The following FHIT variants were observed in gnomAD, a reference collection of about 807,000 sequenced individuals.
FHIT encodes bis(5'-adenosyl)-triphosphatase.
A neutral mutation model predicts 17.9 loss-of-function variants in FHIT; 19 were observed. That is an observed-to-expected ratio of 1.06 (90% CI 0.74 to 1.56). The LOEUF (loss-of-function observed/expected upper bound fraction) is 1.56, where lower values mean the gene tolerates loss of function less well. Ranked by LOEUF, FHIT falls within the 40% of genes most tolerant of loss-of-function variation. The pLI, the probability that FHIT is intolerant of heterozygous loss-of-function variation, is 0.00. For synonymous variants in FHIT, 81 were observed against 69.7 expected, an observed-to-expected ratio of 1.16 and a Z score of -0.81; for missense variants, 248 against 189.2, an observed-to-expected ratio of 1.31 and a Z score of -1.82.
intron 4 of FHIT, among the ~76,000 whole-genome samples, chr3:60,539,176 C>T (rs986949740): frequency 6.6e-6 from 1 of 152,116 alleles, no homozygotes; most frequent in Admixed American, 6.5e-5. Context: ...ATGCAGCCAA[C>T]AGACACATGA....
intron 4 of FHIT, among the ~76,000 whole-genome samples, chr3:60,556,825 A>G (rs981747379): frequency 3.3e-5 from 5 of 152,210 alleles, no homozygotes; most frequent in African/African-American, 9.6e-5. Context: ...CAAGGTGACC[A>G]CCGTGTTGAA....
At chr3:60,385,338 A>G (rs1336131597) in intron 5 of FHIT, among the ~76,000 whole-genome samples, 5 of 152,238 alleles carry the variant, frequency 3.3e-5, no homozygotes, top group Admixed American at 6.5e-5. Flanking sequence ...AAAATGCAGT[A>G]TACATGGCTT....
At chr3:60,803,201 TA>T (rs1701257599) in intron 4 of FHIT, among the ~76,000 whole-genome samples, 1 of 152,090 alleles carries the variant, frequency 6.6e-6, no homozygotes, top group South Asian at 2.1e-4. Flanking sequence ...TGCTCTTTGT[TA>T]ATGGGAAAAA....
chr3:60,178,365 T>A (rs990297878), intron 5 of FHIT, among the ~76,000 whole-genome samples: 4 of 152,100 alleles, frequency 2.6e-5, no homozygotes, highest in Non-Finnish European at 5.9e-5. Flanking sequence ...GGCGGGCGGA[T>A]CACCTCAGGT....
At chr3:61,219,440 G>T (rs551755951) in intron 1 of FHIT, among the ~76,000 whole-genome samples, 1 of 151,830 alleles carries the variant, frequency 6.6e-6, no homozygotes, top group South Asian at 2.1e-4. Context: ...TAGATATCTA[G>T]ACAATAGTCA....
chr3:60,612,256 A>AT lies in FHIT; in HGVS notation c.-17-75278dup, dbSNP rs532471567. On this transcript the variant is annotated intron_variant, in intron 4 of 9. Coordinates refer to ENST00000492590, the MANE Select transcript of FHIT (RefSeq NM_002012.4). Reference sequence around the variant, plus strand: ...ATAAGTCACATATTCTCTGATCTCCATTTCCCAAATCACACAAATTGAGAG... The same window carrying AT: ...ATAAGTCACATATTCTCTGATCTCCATTTTCCCAAATCACACAAATTGAGAG... Among the ~76,000 whole-genome samples, 17 of 152,262 alleles carry AT rather than the reference A, an allele frequency of 1.1e-4. No individual in the cohort carries two copies. The South Asian group carries it at 3.1e-3, about 28-fold the overall frequency.
At chr3:60,938,122 A>C (rs1553773587) in intron 3 of FHIT, among the ~76,000 whole-genome samples, 1 of 152,198 alleles carries the variant, frequency 6.6e-6, no homozygotes, top group East Asian at 1.9e-4. Flanking sequence ...GCAGTCTCTC[A>C]CCACTGTTTC....
rs141303394 is a variant in FHIT, at chr3:60,428,792, T to A, written c.103+108068A>T. Among the ~76,000 whole-genome samples, 3 of 152,242 alleles carry A rather than the reference T, an allele frequency of 2.0e-5. No individual in the cohort carries two copies. In the East Asian group the frequency reaches 5.8e-4, roughly 29 times the overall value. On this transcript the variant is annotated intron_variant, in intron 5 of 9. Coordinates refer to ENST00000492590, the MANE Select transcript of FHIT (RefSeq NM_002012.4). The stretch of plus-strand genomic sequence containing the variant: ...TAAATGTCATCACTGAGATCTGATC[T>A]TCTTCTAGGACAGTTAGAATTTTCT...
rs567470723 is a variant in FHIT at position 60,781,831 on chromosome 3, T to C, written c.-18+40088A>G. 2.6e-5 allele frequency among the ~76,000 whole-genome samples: 4 copies of C among 152,334 alleles called. No individual in the cohort carries two copies. The South Asian group carries it at 8.3e-4, about 32-fold the overall frequency. On this transcript the variant is annotated intron_variant, in intron 4 of 9. Transcript: ENST00000492590. ...CTTTGTTCAGAAATTATTTCATTTT[T>C]TTCATTTTATTGAATATAGACAAAT...
chr3:60,246,570 C>A (rs1705406621), intron 5 of FHIT, among the ~76,000 whole-genome samples: 1 of 151,982 alleles, frequency 6.6e-6, no homozygotes, highest in African/African-American at 2.4e-5. Context: ...CTGCCTGGTG[C>A]CAAAAAACAC....
At chr3:60,648,744 C>T (rs1263387409) in intron 4 of FHIT, among the ~76,000 whole-genome samples, 7 of 152,184 alleles carry the variant, frequency 4.6e-5, no homozygotes, top group African/African-American at 1.7e-4. Flanking sequence ...AAAAAAGGAG[C>T]GAGTCAGAAC....
chr3:60,269,996 GGCCTCATACGAC>G (rs1273899270), intron 5 of FHIT, among the ~76,000 whole-genome samples: 2 of 152,130 alleles, frequency 1.3e-5, no homozygotes, highest in Non-Finnish European at 2.9e-5. Context: ...AAAATGACCA[GGCCTCATACGAC>G]GCCAGAACTA....
intron 2 of FHIT, among the ~76,000 whole-genome samples, chr3:61,116,974 G>C (rs1033512400): frequency 2.0e-5 from 3 of 152,094 alleles, no homozygotes; most frequent in Admixed American, 6.6e-5. Context: ...GTAAATGAGT[G>C]ATGAATCATA....
At chr3:59,921,395 C>T (rs1363906181) in intron 8 of FHIT, among the ~76,000 whole-genome samples, 2 of 152,144 alleles carry the variant, frequency 1.3e-5, no homozygotes, top group Non-Finnish European at 2.9e-5. Flanking sequence ...GATAAACAAT[C>T]GAGATAAACA....
intron 1 of FHIT, among the ~76,000 whole-genome samples, chr3:61,213,034 C>A (rs1232287454): frequency 1.3e-5 from 2 of 152,190 alleles, no homozygotes; most frequent in Non-Finnish European, 1.5e-5. Context: ...ACAACCAGTA[C>A]CAGCCACTGC....
chr3:60,455,872 A>C (rs1231550737), intron 5 of FHIT, among the ~76,000 whole-genome samples: 1 of 152,196 alleles, frequency 6.6e-6, no homozygotes, highest in African/African-American at 2.4e-5. Flanking sequence ...AAGAGGAAAA[A>C]AATACATAAT....
chr3:61,067,303 T>C (rs988362947), intron 2 of FHIT, among the ~76,000 whole-genome samples: 1 of 152,150 alleles, frequency 6.6e-6, no homozygotes, highest in Admixed American at 6.5e-5. Flanking sequence ...TATGTACTCA[T>C]GGTGATGGTT....
chr3:59,810,004 C>T (rs1186920971), intron 8 of FHIT, among the ~76,000 whole-genome samples: 2 of 152,062 alleles, frequency 1.3e-5, no homozygotes, highest in Non-Finnish European at 2.9e-5. Flanking sequence ...GAGATTGGAA[C>T]CTAACCAAAG....
intron 2 of FHIT, among the ~76,000 whole-genome samples, chr3:61,097,952 A>C (rs535605601): frequency 2.0e-5 from 3 of 152,244 alleles, no homozygotes; most frequent in Admixed American, 2.0e-4. Flanking sequence ...TCCTTAGTTT[A>C]ATTAGATCTC....
Sources: allele counts gnomAD v4.1 joint callset (sites outside exome capture counted in the v4.1 genomes callset), GRCh38; gene constraint gnomAD v4.1.1; transcripts MANE v1.5; gene names NCBI Gene and HGNC (gene_info 2026-07-23, HGNC 2026-07-21).